TROAP: variants seen among roughly 807,000 people sequenced by gnomAD.
TROAP encodes the protein tastin.
A neutral mutation model predicts 83.4 loss-of-function variants in TROAP; 62 were observed. The observed-to-expected ratio is 0.74, with a 90% CI of 0.61 to 0.92. The LOEUF is 0.92. Among genes scored for constraint, TROAP ranks in the 40% least tolerant of loss-of-function variants. The probability of loss-of-function intolerance (pLI) is 0.00; values close to 1 mark genes in which losing one functional copy is unlikely to be tolerated. For missense variants in TROAP, 876 were observed against 985.1 expected (o/e 0.89, Z 1.48); for synonymous variants, 352 against 386.4 (o/e 0.91, Z 1.04).
In TROAP at chr12:49,331,561, CTCTG is replaced by C; in HGVS notation, c.2293-8_2293-5del. On this transcript the variant is annotated splice_polypyrimidine_tract_variant and splice_region_variant and intron_variant, in intron 14 of 14. Coordinates refer to ENST00000257909, the MANE Select transcript of TROAP (RefSeq NM_005480.4). ...GTTGGCTGAGCTGTGACAAGGTCTTCTCTGTCTCCAGTGTTTCATTCCAGTTGGT... is the reference window on the plus strand; with the variant it reads ...GTTGGCTGAGCTGTGACAAGGTCTTCTCTCCAGTGTTTCATTCCAGTTGGT... 5 of 1,614,234 alleles carry C rather than the reference CTCTG, an allele frequency of 3.1e-6. No homozygotes were observed. Among genetic ancestry groups the C allele is most frequent in the Non-Finnish European group, 4.2e-6 (5 of 1,180,044 alleles).
intron 12 of TROAP, 27 bp from the exon 13 acceptor site, chr12:49,330,118 A>G: frequency 6.2e-7 from 1 of 1,610,002 alleles, no homozygotes. Flanking sequence ...TCTTGATGTC[A>G]CACTGGGGTG....
intron 3 of TROAP, among the ~76,000 whole-genome samples, chr12:49,325,244 C>G (rs1943479946): frequency 6.7e-6 from 1 of 150,266 alleles, no homozygotes; most frequent in Non-Finnish European, 1.5e-5. Context: ...TTAGTGGAGA[C>G]AGGGTTTTGC....
chr12:49,328,851 G>T, intron 8 of TROAP, 76 bp from the exon 9 acceptor site: 1 of 1,490,348 alleles, frequency 6.7e-7, no homozygotes, highest in South Asian at 1.4e-5. Context: ...GTGACAGAGC[G>T]AGACTCCGTA....
rs569581641 is a variant in TROAP, at chr12:49,327,474, A to T, written c.891+144A>T. 4.5e-6 allele frequency: 5 copies of T among 1,114,358 alleles called. No individual in the cohort carries two copies. In the African/African-American group the frequency reaches 7.8e-5, roughly 17 times the overall value. 69.0% of individuals were successfully genotyped at this position (1,114,358 alleles called of 1,614,324 possible). ...ATGTTACTGGGTAGGTTTACCCCAG[A>T]TGCACCCAGTCCCTCTCCAATGTGA... is the stretch of plus-strand genomic sequence containing the variant. On this transcript the variant is annotated intron_variant, in intron 8 of 14. Coordinates refer to ENST00000257909, the MANE Select transcript of TROAP (RefSeq NM_005480.4).
In TROAP at chr12:49,323,316, G is replaced by C; in HGVS notation, c.-39G>C. 2.9e-6 allele frequency: 1 copy of C among 344,054 alleles called. No homozygotes were observed. Among genetic ancestry groups the C allele is most frequent in the Non-Finnish European group, 5.3e-6 (1 of 189,240 alleles). The allele number at this position is 344,054 out of a possible 1,614,324, so 21.3% of individuals were successfully genotyped here. A position where few individuals can be genotyped will look rare whatever the true frequency, so the allele number is the denominator to read the frequency against. On this transcript the variant is annotated 5_prime_UTR_variant, in exon 1 of 15. Coordinates refer to ENST00000257909, the MANE Select transcript of TROAP (RefSeq NM_005480.4). ...CCGAGAGGGTCAGGAGAAAAGCGGA[G>C]GAAGCTGGGTAGGCCCTGAGGGGCC...
In TROAP at chr12:49,329,417, C is replaced by T; in HGVS notation, c.1127C>T (p.Ser376Phe). The T allele has an allele frequency of 6.2e-7, 1 of 1,612,426 alleles. No individual in the cohort carries two copies. The highest frequency in any genetic ancestry group is 1.1e-5 in the South Asian group (1 of 90,854). Residue 376 changes from serine (S) to phenylalanine (F), a missense_variant, in exon 11 of 15, where the codon TCC becomes TTC. Physicochemically the swap from Ser to Phe is radical, Grantham distance 155 (BLOSUM62 -2). Transcript: ENST00000257909. This position sits in a 1 kb window ranked among gnomAD's most constrained non-coding sequence, Gnocchi z 4.5. ...VQQAQWLRGV[S>F]PQSCSEDPAL... ...CAGGCCCAGTGGCTGCGTGGTGTCT[C>T]CCCTCAGTCCTGCTCTGAAGATCCT...
At chr12:49,324,208 C>T (rs1943457452) in intron 3 of TROAP, 171 bp downstream of exon 3, 4 of 1,613,998 alleles carry the variant, frequency 2.5e-6, no homozygotes, top group Non-Finnish European at 2.5e-6. Context: ...TCCCTTTCCT[C>T]CAGCAAAATG....
rs772355531 is a variant in TROAP, at chr12:49,329,427, C to T, written c.1137C>T (p.Ser379=). The part of the protein sequence containing the change: ...AQWLRGVSPQ[S]CSEDPALPWE... ...GGCTGCGTGGTGTCTCCCCTCAGTC[C>T]TGCTCTGAAGATCCTGCCCTGCCCT... The change falls in exon 11 of 15, where the codon TCC becomes TCT. Residue 379 remains serine (S), a synonymous_variant. Transcript: ENST00000257909. This position sits in a 1 kb window ranked among gnomAD's most constrained non-coding sequence, Gnocchi z 4.5. 5 of 1,612,164 alleles carry T rather than the reference C, an allele frequency of 3.1e-6. No homozygotes were observed. In the South Asian group the frequency reaches 5.5e-5, roughly 18 times the overall value.
chr12:49,323,643 T>C lies in TROAP; in HGVS notation c.35T>C (p.Leu12Pro). ...CGGCAAGCCACGAAGGATCCCCTCC[T>C]CCGGGGTGTATCTCCTACCCCTAGC... Reference protein sequence around the residue: ...TTRQATKDPLLRGVSPTPSKI... With the variant: ...TTRQATKDPLPRGVSPTPSKI... The change falls in exon 2 of 15, where the codon CTC (leucine) becomes CCC (proline). Residue 12 changes from leucine (L) to proline (P), a missense_variant. This residue lies in a region of TROAP where 689 missense variants were observed against 722.6 expected (regional missense o/e 0.95). Transcript: ENST00000257909. The C allele has an allele frequency of 1.2e-6, 2 of 1,614,022 alleles. No individual in the cohort carries two copies. The highest frequency in any genetic ancestry group is 1.7e-6 in the Non-Finnish European group (2 of 1,180,002).
chr12:49,324,079 T>C (rs761765569), intron 3 of TROAP, 42 bp downstream of exon 3: 8 of 1,612,214 alleles, frequency 5.0e-6, no homozygotes, highest in South Asian at 1.1e-5. Flanking sequence ...CATGGCTGAG[T>C]AGGGGACTAG....
chr12:49,325,385 A>C, intron 3 of TROAP, 116 bp from the exon 4 acceptor site: 1 of 1,079,312 alleles, frequency 9.3e-7, no homozygotes, highest in Non-Finnish European at 1.3e-6. Flanking sequence ...AAAAAAAAAT[A>C]AGCCAAATTC....
intron 14 of TROAP, 57 bp downstream of exon 14, chr12:49,331,464 G>T: frequency 6.2e-7 from 1 of 1,608,676 alleles, no homozygotes; most frequent in South Asian, 1.1e-5. Context: ...ATGGGAGGTG[G>T]GGAACAGGGA....
chr12:49,324,320 G>A, intron 3 of TROAP: 2 of 793,144 alleles, frequency 2.5e-6, no homozygotes, highest in Non-Finnish European at 4.3e-6. Context: ...CAGCCTGGAT[G>A]ACAGAGGGAG....
rs753600456 is a variant in TROAP, at chr12:49,323,841, C to G, written c.145-4C>G. ...CACCTTTTTGTCCCCGCTCCCTCCCCTAGAGATGGGTGCAGAAACCACCGC... is the reference window on the plus strand; with the variant it reads ...CACCTTTTTGTCCCCGCTCCCTCCCGTAGAGATGGGTGCAGAAACCACCGC... On this transcript the variant is annotated splice_polypyrimidine_tract_variant and splice_region_variant and intron_variant, in intron 2 of 14. Coordinates refer to ENST00000257909, the MANE Select transcript of TROAP (RefSeq NM_005480.4). 5 of 1,613,976 alleles carry G rather than the reference C, an allele frequency of 3.1e-6. No homozygotes were observed. In the South Asian group the frequency reaches 5.5e-5, roughly 18 times the overall value.
In TROAP at chr12:49,323,834, C is replaced by T. The variant is rs199891545; in HGVS notation, c.145-11C>T. ...TAAACCTCACCTTTTTGTCCCCGCT[C>T]CCTCCCCTAGAGATGGGTGCAGAAA... On this transcript the variant is annotated splice_polypyrimidine_tract_variant and intron_variant, in intron 2 of 14. Transcript: ENST00000257909. The T allele has an allele frequency of 1.5e-4, 241 of 1,613,878 alleles. No homozygotes were observed. Among genetic ancestry groups the T allele is most frequent in the Non-Finnish European group, 2.5e-6 (3 of 1,179,936 alleles).
intron 3 of TROAP, chr12:49,324,378 C>A: frequency 1.9e-6 from 1 of 515,684 alleles, no homozygotes. Flanking sequence ...ATAAATATCA[C>A]TTCTTCTGAA....
At chr12:49,325,912 G>A (rs777086084) in intron 5 of TROAP, 28 bp downstream of exon 5, 26 of 1,607,040 alleles carry the variant, frequency 1.6e-5, no homozygotes, top group East Asian at 8.9e-5. Context: ...GCTGATAGTC[G>A]GTGCTTCTGG....
chr12:49,326,236 TG>T (rs1592311006), intron 6 of TROAP, 78 bp downstream of exon 6: 2 of 1,470,474 alleles, frequency 1.4e-6, no homozygotes, highest in Non-Finnish European at 1.9e-6. Flanking sequence ...CCCCCAGAGT[TG>T]GGGCCTTCCA....
In TROAP at chr12:49,329,151, C is replaced by A. The variant is rs1404687360; in HGVS notation, c.1021-10C>A. On this transcript the variant is annotated splice_polypyrimidine_tract_variant and intron_variant, in intron 9 of 14. Coordinates refer to ENST00000257909, the MANE Select transcript of TROAP (RefSeq NM_005480.4). This position sits in a 1 kb window ranked among gnomAD's most constrained non-coding sequence, Gnocchi z 4.5. ...TTTGTCCCTGCTCAGCCACCCACAT[C>A]TCTCCCCAGACCTCATATTCAGTGT... 21 of 1,614,042 alleles carry A rather than the reference C, an allele frequency of 1.3e-5. No individual in the cohort carries two copies. The highest frequency in any genetic ancestry group is 1.7e-5 in the Non-Finnish European group (20 of 1,180,044).
Sources: allele counts gnomAD v4.1 joint callset (sites outside exome capture counted in the v4.1 genomes callset), GRCh38; gene constraint gnomAD v4.1.1; regional missense constraint gnomAD v4.1.1; non-coding constraint Gnocchi (gnomAD v3.1); transcripts MANE v1.5; gene names NCBI Gene and HGNC (gene_info 2026-07-23, HGNC 2026-07-21).